RELL1: variants seen among roughly 807,000 people sequenced by gnomAD.
The protein encoded by RELL1 is RELT-like protein 1.
In RELL1, 10 loss-of-function variants were observed where a neutral mutation model predicts 23.0. The observed-to-expected ratio is 0.43, with a 90% confidence interval of 0.27 to 0.74. The LOEUF (loss-of-function observed/expected upper bound fraction) is 0.74. Among genes scored for constraint, RELL1 ranks in the 30% least tolerant of loss-of-function variants. The probability of loss-of-function intolerance (pLI) is 0.19; values close to 1 mark genes in which losing one functional copy is unlikely to be tolerated. For missense variants in RELL1, 315 were observed against 364.4 expected (o/e 0.86, Z 1.10); for synonymous variants, 146 against 146.8 (o/e 0.99, Z 0.04).
intron 4 of RELL1, among the ~76,000 whole-genome samples, chr4:37,637,430 G>A (rs1028592371): frequency 6.6e-6 from 1 of 152,232 alleles, no homozygotes; most frequent in Admixed American, 6.5e-5. Flanking sequence ...CCCTTCACAG[G>A]TGAGTCCCAG....
downstream of RELL1, among the ~76,000 whole-genome samples, chr4:37,589,536 T>C (rs1463299445): frequency 6.6e-6 from 1 of 152,192 alleles, no homozygotes; most frequent in African/African-American, 2.4e-5. Flanking sequence ...TTTTATTTGT[T>C]TTTTATTTTA....
At chr4:37,588,367 A>C (rs890951181), downstream of RELL1, 2 of 156,350 alleles carry the variant, frequency 1.3e-5, no homozygotes, top group African/African-American at 4.8e-5. Context: ...GACACAATGG[A>C]TCCGCCAGCT....
chr4:37,676,752 A>C (rs903788804), intron 1 of RELL1, among the ~76,000 whole-genome samples: 1 of 152,200 alleles, frequency 6.6e-6, no homozygotes, highest in Non-Finnish European at 1.5e-5. Flanking sequence ...TTGTGGGTGA[A>C]TATTGGAAAC....
chr4:37,589,985 C>T (rs114270493), downstream of RELL1: 627 of 860,696 alleles, frequency 7.3e-4, 5 homozygotes, highest in African/African-American at 9.4e-3. Flanking sequence ...GAAAAGTAAT[C>T]ACAGAAATTA....
At chr4:37,633,697 C>T (rs1312575296) in intron 5 of RELL1, among the ~76,000 whole-genome samples, 2 of 152,054 alleles carry the variant, frequency 1.3e-5, no homozygotes, top group Non-Finnish European at 2.9e-5. Context: ...AAAATAATAC[C>T]AGCCAACATT....
downstream of RELL1, chr4:37,590,791 G>A (rs757054857): frequency 5.6e-6 from 9 of 1,614,132 alleles, no homozygotes; most frequent in South Asian, 5.5e-5. Context: ...GAATGAGGAT[G>A]TGGAAACAGA....
intron 4 of RELL1, among the ~76,000 whole-genome samples, chr4:37,637,413 G>A (rs2053058749): frequency 6.6e-6 from 1 of 152,232 alleles, no homozygotes; most frequent in East Asian, 1.9e-4. Flanking sequence ...GGCCACCCTG[G>A]ACTGAACCCT....
chr4:37,646,269 C>A (rs529484627), intron 3 of RELL1, among the ~76,000 whole-genome samples: 1 of 152,274 alleles, frequency 6.6e-6, no homozygotes, highest in Admixed American at 6.5e-5. Context: ...AGTTTCTTTA[C>A]TCAAGATTAA....
At chr4:37,625,250 GTAATAC>G (rs1719899083) in intron 6 of RELL1, among the ~76,000 whole-genome samples, 1 of 152,076 alleles carries the variant, frequency 6.6e-6, no homozygotes, top group Admixed American at 6.5e-5. Context: ...AAATGCTACT[GTAATAC>G]TGCAATACTA....
intron 1 of RELL1, among the ~76,000 whole-genome samples, chr4:37,650,463 A>G (rs1720887497): frequency 6.6e-6 from 1 of 152,198 alleles, no homozygotes; most frequent in Non-Finnish European, 1.5e-5. Flanking sequence ...TGAGGCTCGT[A>G]TATGATGGCA....
At chr4:37,604,874 C>CACAGAG (rs1560323886) in intron 6 of RELL1, among the ~76,000 whole-genome samples, 1 of 98,164 alleles carries the variant, frequency 1.0e-5, no homozygotes, top group African/African-American at 4.6e-5. Flanking sequence ...CAGACACACA[C>CACAGAG]ACACATACAC....
At chr4:37,669,900 C>A (rs1011177854) in intron 1 of RELL1, among the ~76,000 whole-genome samples, 1 of 151,558 alleles carries the variant, frequency 6.6e-6, no homozygotes, top group Admixed American at 6.6e-5. Flanking sequence ...ACAAACAATG[C>A]GGAAGGCCGC....
intron 1 of RELL1, among the ~76,000 whole-genome samples, chr4:37,662,659 G>C (rs1411920507): frequency 6.6e-6 from 1 of 151,576 alleles, no homozygotes; most frequent in Non-Finnish European, 1.5e-5. Context: ...TAACTTTGCA[G>C]AGTCAGATAA....
Position 37,636,790 on chromosome 4 carries a change from C to T in RELL1, c.443+1657G>A, listed in dbSNP as rs183698292. ...CCACAGCCTGACACCTGGACTGTGG[C>T]AAGAGCCCCAGAGACACACAGGAGG... On this transcript the variant is annotated intron_variant, in intron 4 of 6. Coordinates refer to ENST00000454158, the MANE Select transcript of RELL1 (RefSeq NM_001085400.2). 6.6e-5 allele frequency among the ~76,000 whole-genome samples: 10 copies of T among 152,160 alleles called. 1 individual carries two copies. The East Asian group carries it at 1.9e-3, about 29-fold the overall frequency.
downstream of RELL1, among the ~76,000 whole-genome samples, chr4:37,589,495 T>A (rs996413414): frequency 1.3e-5 from 2 of 152,230 alleles, no homozygotes; most frequent in African/African-American, 4.8e-5. Flanking sequence ...TGAGAGGATA[T>A]ACTCCTTATG....
chr4:37,611,474 C>A lies in RELL1; in HGVS notation c.*1872G>T, dbSNP rs771979198. The stretch of plus-strand genomic sequence containing the variant: ...TTTAGTTTGATGCTGGAAATAAAAT[C>A]ATTGAAGTCTATGTACAGTAAATAC... On this transcript the variant is annotated 3_prime_UTR_variant, in exon 7 of 7. Transcript: ENST00000454158. Among the ~76,000 whole-genome samples, 9 of 152,110 alleles carry A rather than the reference C, an allele frequency of 5.9e-5. No individual in the cohort carries two copies. Among genetic ancestry groups the A allele is most frequent in the Non-Finnish European group, 1.0e-4 (7 of 68,010 alleles).
At chr4:37,657,697 G>A (rs921791552) in intron 1 of RELL1, among the ~76,000 whole-genome samples, 14 of 152,136 alleles carry the variant, frequency 9.2e-5, no homozygotes, top group African/African-American at 3.1e-4. Context: ...AAGATTTTGG[G>A]AGGGCAAGGT....
At chr4:37,602,744 G>T (rs527377811) in intron 6 of RELL1, among the ~76,000 whole-genome samples, 169 of 152,330 alleles carry the variant, frequency 1.1e-3, no homozygotes, top group Middle Eastern at 3.4e-3. Context: ...GGCTCAGAAA[G>T]ATAAGATACC....
At chr4:37,590,634 C>T, downstream of RELL1, 2 of 1,614,148 alleles carry the variant, frequency 1.2e-6, no homozygotes, top group South Asian at 1.1e-5. Context: ...AGCATTGGGG[C>T]CCAGCTGGAG....
Sources: gnomAD v4.1 joint callset for allele counts (sites outside exome capture counted in the v4.1 genomes callset) on GRCh38, gnomAD v4.1.1 for gene constraint, MANE v1.5 for transcripts, NCBI Gene and HGNC (gene_info 2026-07-23, HGNC 2026-07-21) for gene names.